The following KIT variants were observed in gnomAD, a reference collection of about 807,000 sequenced individuals.
The protein encoded by KIT is KIT proto-oncogene, receptor tyrosine kinase.
KIT carries 16 observed loss-of-function variants against 105.7 expected under a neutral mutation model. That is an observed-to-expected ratio of 0.15 (90% confidence interval 0.10 to 0.23). The LOEUF is 0.23. Among genes scored for constraint, KIT ranks in the 10% least tolerant of loss-of-function variants. The pLI is 1.00. For synonymous variants in KIT, 438 were observed against 441.1 expected (o/e 0.99, Z 0.09); for missense variants, 858 against 1,213.8 (o/e 0.71, Z 4.36).
rs1207790786 is a variant in KIT, at chr4:54,658,095, G to T, written c.67+14G>T. 6.2e-7 allele frequency: 1 copy of T among 1,613,242 alleles called. No homozygotes were observed. The highest frequency in any genetic ancestry group is 8.5e-7 in the Non-Finnish European group (1 of 1,179,390). Reference sequence around the variant, plus strand: ...GCGTCCAGACAGGTGGGACACCGCGGCTGGCACCCCGACCGTGCGACTACT... The same window carrying T: ...GCGTCCAGACAGGTGGGACACCGCGTCTGGCACCCCGACCGTGCGACTACT... On this transcript the variant is annotated intron_variant, in intron 1 of 20. Coordinates refer to ENST00000288135, the MANE Select transcript of KIT (RefSeq NM_000222.3).
intron 1 of KIT, among the ~76,000 whole-genome samples, chr4:54,675,037 CTAAT>C (rs113740793): frequency 6.6e-5 from 10 of 152,246 alleles, no homozygotes; most frequent in African/African-American, 2.2e-4. Context: ...TTGCATATCT[CTAAT>C]TATAATCATT....
At chr4:54,704,399 TTCTC>T (rs138118780) in intron 5 of KIT, among the ~76,000 whole-genome samples, 2,394 of 152,262 alleles carry the variant, frequency 0.016, 74 homozygotes, top group African/African-American at 0.055. Context: ...ATCTCACCTG[TTCTC>T]TAAGCATAAA....
In KIT at chr4:54,673,335, G is replaced by A. The variant is rs533273685; in HGVS notation, c.67+15254G>A. ...CACTTTCTCTCAAATCCTTTTAACCGCGTCATAATTCATTTGAATTGAAAA... is the reference window on the plus strand; with the variant it reads ...CACTTTCTCTCAAATCCTTTTAACCACGTCATAATTCATTTGAATTGAAAA... On this transcript the variant is annotated intron_variant, in intron 1 of 20. Transcript: ENST00000288135. Among the ~76,000 whole-genome samples the A allele has an allele frequency of 5.9e-5, 9 of 152,050 alleles. No individual in the cohort carries two copies. In the South Asian group the frequency reaches 6.2e-4, roughly 11 times the overall value.
chr4:54,711,094 T>A (rs907912041), intron 7 of KIT, among the ~76,000 whole-genome samples: 1 of 152,176 alleles, frequency 6.6e-6, no homozygotes, highest in Non-Finnish European at 1.5e-5. Context: ...TTGCCTAGAC[T>A]GGTCTTGAAT....
At chr4:54,701,085 T>C (rs1363002869) in intron 4 of KIT, among the ~76,000 whole-genome samples, 3 of 152,208 alleles carry the variant, frequency 2.0e-5, no homozygotes, top group African/African-American at 7.2e-5. Context: ...TTTTTTGAGA[T>C]GAGAAATTAA....
At chr4:54,689,013 T>C (rs1719514467) in intron 1 of KIT, among the ~76,000 whole-genome samples, 1 of 152,210 alleles carries the variant, frequency 6.6e-6, no homozygotes, top group African/African-American at 2.4e-5. Flanking sequence ...ACACCCACAA[T>C]GCAGAGTCTG....
chr4:54,703,330 G>A (rs1053740835), intron 4 of KIT, among the ~76,000 whole-genome samples: 1 of 152,066 alleles, frequency 6.6e-6, no homozygotes, highest in East Asian at 1.9e-4. Flanking sequence ...CAATGTGTTC[G>A]CTCTCAGTCA....
At chr4:54,666,888 A>G (rs1313135165) in intron 1 of KIT, among the ~76,000 whole-genome samples, 1 of 152,220 alleles carries the variant, frequency 6.6e-6, no homozygotes, top group East Asian at 1.9e-4. Flanking sequence ...TTTCGGCTAT[A>G]TTGATAACAG....
intron 5 of KIT, among the ~76,000 whole-genome samples, chr4:54,706,561 G>A (rs1286017276): frequency 6.6e-6 from 1 of 151,942 alleles, no homozygotes; most frequent in African/African-American, 2.4e-5. Context: ...AAATTTCATA[G>A]GAGTCAATTG....
chr4:54,718,950 C>T (rs1405258128), intron 7 of KIT, among the ~76,000 whole-genome samples: 3 of 152,054 alleles, frequency 2.0e-5, no homozygotes, highest in African/African-American at 7.2e-5. Context: ...ACTTAAATTT[C>T]TTTATTATAA....
intron 2 of KIT, among the ~76,000 whole-genome samples, chr4:54,696,895 A>T (rs1386518388): frequency 6.6e-6 from 1 of 152,250 alleles, no homozygotes; most frequent in Non-Finnish European, 1.5e-5. Flanking sequence ...TGTTCTTTAC[A>T]TTCAGGAAGG....
chr4:54,668,814 A>C (rs1386456774), intron 1 of KIT, among the ~76,000 whole-genome samples: 1 of 152,168 alleles, frequency 6.6e-6, no homozygotes, highest in African/African-American at 2.4e-5. Flanking sequence ...GGAAAGACTG[A>C]AGTAAAGATA....
At chr4:54,711,927 TC>T (rs1721188664) in intron 7 of KIT, among the ~76,000 whole-genome samples, 4 of 119,302 alleles carry the variant, frequency 3.4e-5, no homozygotes, top group African/African-American at 9.8e-5. Context: ...AGAGTCCGTC[TC>T]AAAAAAAAAA....
intron 1 of KIT, among the ~76,000 whole-genome samples, chr4:54,662,695 C>G (rs1186192454): frequency 6.6e-6 from 1 of 152,110 alleles, no homozygotes; most frequent in Non-Finnish European, 1.5e-5. Flanking sequence ...GCCTCAGCCT[C>G]CTGAGTAGCT....
chr4:54,667,310 T>C (rs1410879657), intron 1 of KIT, among the ~76,000 whole-genome samples: 3 of 152,208 alleles, frequency 2.0e-5, no homozygotes, highest in Admixed American at 2.0e-4. Context: ...CAGCTACTGC[T>C]TGATAACATT....
intron 7 of KIT, among the ~76,000 whole-genome samples, chr4:54,710,133 G>A (rs769267143): frequency 2.6e-5 from 4 of 152,192 alleles, no homozygotes; most frequent in Admixed American, 6.5e-5. Flanking sequence ...GGGTCCTACC[G>A]ACCCCACTCC....
At chr4:54,684,176 TG>T (rs1719145728) in intron 1 of KIT, among the ~76,000 whole-genome samples, 1 of 98,704 alleles carries the variant, frequency 1.0e-5, no homozygotes. Context: ...GGTGTGTGGG[TG>T]GGGTGGGGTG....
rs1720308584 is a variant in KIT at position 54,699,491 on chromosome 4, A to G, written c.620-139A>G. The G allele has an allele frequency of 6.6e-6, 6 of 906,148 alleles. No individual in the cohort carries two copies. The East Asian group carries it at 7.9e-5, about 12-fold the overall frequency. 56.1% of individuals were successfully genotyped at this position (906,148 alleles called of 1,614,324 possible). On this transcript the variant is annotated intron_variant, in intron 3 of 20. Coordinates refer to ENST00000288135, the MANE Select transcript of KIT (RefSeq NM_000222.3). ...TGGTACCTTCAGATATGCAAGTAGT[A>G]CAGATAGGTTAGCACCATGCTTTGT...
chr4:54,731,747 TGATCTGCCTGCAA>T, intron 15 of KIT, 111 bp from the exon 16 acceptor site: 1 of 977,984 alleles, frequency 1.0e-6, no homozygotes, highest in Admixed American at 1.8e-5. Context: ...ACCAGGGAAG[TGATCTGCCTGCAA>T]GTTCACATTA....
Sources: gnomAD v4.1 joint callset for allele counts (sites outside exome capture counted in the v4.1 genomes callset) on GRCh38, gnomAD v4.1.1 for gene constraint, MANE v1.5 for transcripts, NCBI Gene and HGNC (gene_info 2026-07-23, HGNC 2026-07-21) for gene names.